Variants in NEK1 observed in about 807,000 individuals in gnomAD.
The protein encoded by NEK1 is serine/threonine-protein kinase Nek1.
Under a neutral mutation model 182.1 loss-of-function variants are expected in NEK1, and 137 were observed. The ratio of observed to expected loss-of-function variants is 0.75; its 90% confidence interval spans 0.65 to 0.87. The LOEUF is 0.87. Among genes scored for constraint, NEK1 ranks in the 40% least tolerant of loss-of-function variants. The pLI is 0.00. For missense variants in NEK1, 1,391 were observed against 1,494.4 expected (o/e 0.93, Z 1.14); for synonymous variants, 513 against 492.2 (o/e 1.04, Z -0.56).
chr4:169,406,838 C>T, intron 31 of NEK1, 91 bp from the exon 32 acceptor site: 3 of 1,058,340 alleles, frequency 2.8e-6, no homozygotes, highest in South Asian at 3.4e-5. Context: ...AATTTTGTTA[C>T]ATATGTGTAA....
intron 23 of NEK1, among the ~76,000 whole-genome samples, chr4:169,501,866 C>T (rs1426194751): frequency 6.6e-6 from 1 of 151,912 alleles, no homozygotes; most frequent in East Asian, 1.9e-4. Context: ...GAAACTAAAT[C>T]AAAAGCTAGC....
At chr4:169,545,502 A>G (rs1466399284) in intron 18 of NEK1, among the ~76,000 whole-genome samples, 15 of 149,972 alleles carry the variant, frequency 1.0e-4, no homozygotes, top group Non-Finnish European at 1.9e-4. Context: ...ATAATGCCGC[A>G]ATAAACATAT....
chr4:169,553,072 T>C (rs142319286), intron 18 of NEK1, among the ~76,000 whole-genome samples: 94 of 152,294 alleles, frequency 6.2e-4, no homozygotes, highest in African/African-American at 2.2e-3. Flanking sequence ...ACAAACTTAT[T>C]ATAAAGCTTA....
At chr4:169,561,258 C>CT (rs1472245540) in intron 16 of NEK1, among the ~76,000 whole-genome samples, 1 of 152,120 alleles carries the variant, frequency 6.6e-6, no homozygotes, top group East Asian at 1.9e-4. Context: ...TCACAAAAAA[C>CT]TTTTAAAGCA....
At chr4:169,503,078 C>T (rs758732745) in intron 23 of NEK1, among the ~76,000 whole-genome samples, 1 of 151,970 alleles carries the variant, frequency 6.6e-6, no homozygotes, top group Non-Finnish European at 1.5e-5. Flanking sequence ...TTCTATACTC[C>T]AATACCATTC....
At chr4:169,584,227 T>C (rs997297442) in intron 10 of NEK1, among the ~76,000 whole-genome samples, 4 of 151,578 alleles carry the variant, frequency 2.6e-5, no homozygotes, top group African/African-American at 7.3e-5. Context: ...GGAGAAATCA[T>C]GAGTCAGTAA....
chr4:169,610,094 G>A (rs1451496224), intron 2 of NEK1, among the ~76,000 whole-genome samples: 2 of 148,940 alleles, frequency 1.3e-5, no homozygotes, highest in East Asian at 2.0e-4. Flanking sequence ...TTCGGCCTCC[G>A]AGGTTCAAGT....
intron 23 of NEK1, among the ~76,000 whole-genome samples, chr4:169,493,965 T>C (rs1290956019): frequency 3.3e-5 from 5 of 152,084 alleles, no homozygotes; most frequent in African/African-American, 7.2e-5. Context: ...CTATATAAGA[T>C]GACCATCACC....
chr4:169,429,094 C>T (rs1185985372), intron 29 of NEK1, among the ~76,000 whole-genome samples: 1 of 151,614 alleles, frequency 6.6e-6, no homozygotes, highest in Non-Finnish European at 1.5e-5. Context: ...AACCCGTGTA[C>T]ACAGAGGGCT....
At chr4:169,537,602 CCT>C (rs1296021953) in intron 19 of NEK1, among the ~76,000 whole-genome samples, 1 of 152,074 alleles carries the variant, frequency 6.6e-6, no homozygotes, top group Non-Finnish European at 1.5e-5. Flanking sequence ...GAATTCCACC[CCT>C]GGTATAAAAG....
At chr4:169,564,925 C>T (rs913327210) in intron 12 of NEK1, among the ~76,000 whole-genome samples, 4 of 152,068 alleles carry the variant, frequency 2.6e-5, no homozygotes, top group East Asian at 3.9e-4. Flanking sequence ...AAGTGATAAG[C>T]GGTACTAAAT....
chr4:169,547,180 A>C (rs952547160), intron 18 of NEK1, among the ~76,000 whole-genome samples: 1 of 152,154 alleles, frequency 6.6e-6, no homozygotes, highest in Non-Finnish European at 1.5e-5. Flanking sequence ...TGGAGACAAG[A>C]TCTCCCAGCA....
chr4:169,486,970 C>T (rs1488273886), intron 23 of NEK1, among the ~76,000 whole-genome samples: 2 of 152,136 alleles, frequency 1.3e-5, no homozygotes, highest in Non-Finnish European at 2.9e-5. Flanking sequence ...ATATAGCATA[C>T]GTGATGGCTG....
intron 18 of NEK1, among the ~76,000 whole-genome samples, chr4:169,552,514 T>TC (rs1367404400): frequency 6.6e-6 from 1 of 152,154 alleles, no homozygotes; most frequent in African/African-American, 2.4e-5. Flanking sequence ...CTTGAAGCTT[T>TC]CCGGCCAACA....
At chr4:169,548,048 GGT>G (rs1403231124) in intron 18 of NEK1, among the ~76,000 whole-genome samples, 1 of 152,150 alleles carries the variant, frequency 6.6e-6, no homozygotes, top group African/African-American at 2.4e-5. Context: ...GAGGAGAAGA[GGT>G]GTTCTGGTTT....
intron 19 of NEK1, among the ~76,000 whole-genome samples, chr4:169,523,494 T>C (rs1298924222): frequency 6.6e-6 from 1 of 152,092 alleles, no homozygotes; most frequent in Non-Finnish European, 1.5e-5. Context: ...AGGTCAAAAA[T>C]TGCCATCCAA....
In NEK1 at chr4:169,463,374, A is replaced by G. The variant is rs746954930; in HGVS notation, c.2456T>C (p.Ile819Thr). 2 of 1,607,688 alleles carry G rather than the reference A, an allele frequency of 1.2e-6. No individual in the cohort carries two copies. The highest frequency in any genetic ancestry group is 1.7e-6 in the Non-Finnish European group (2 of 1,176,018). The change falls in exon 27 of 36, where the codon ATT becomes ACT. Residue 819 changes from isoleucine (I) to threonine (T), a missense_variant. By Grantham distance (89) the Ile-to-Thr change is moderately conservative (BLOSUM62 -1). Coordinates refer to ENST00000507142, the MANE Select transcript of NEK1 (RefSeq NM_001199397.3). ...TTERHTVGEV[I>T]KLGPNGSPRR... ...TGGAGATCCATTAGGACCTAATTTA[A>G]TAACTTCTCCCACTGTATGTCCTAT... is the stretch of plus-strand genomic sequence containing the variant.
intron 23 of NEK1, among the ~76,000 whole-genome samples, chr4:169,496,194 GCTCT>G (rs1238753046): frequency 6.6e-6 from 1 of 151,970 alleles, no homozygotes; most frequent in Non-Finnish European, 1.5e-5. Flanking sequence ...TCATGATTTG[GCTCT>G]CTGTTTGTCT....
In NEK1 at chr4:169,507,203, G is replaced by C. The variant is rs1227604080; in HGVS notation, c.1912-71C>G. 7 of 616,528 alleles carry C rather than the reference G, an allele frequency of 1.1e-5. No individual in the cohort carries two copies. In the African/African-American group the frequency reaches 1.3e-4, roughly 11 times the overall value. 38.2% of individuals were successfully genotyped at this position (616,528 alleles called of 1,614,324 possible). On this transcript the variant is annotated intron_variant, in intron 22 of 35. Coordinates refer to ENST00000507142, the MANE Select transcript of NEK1 (RefSeq NM_001199397.3). ...CAGAGGTTTTTTTTTTTTTTTTTGG[G>C]CCAGGTCTATGAAGATATTTACTTA... is the stretch of plus-strand genomic sequence containing the variant.
Sources: gnomAD v4.1 joint callset for allele counts (sites outside exome capture counted in the v4.1 genomes callset) on GRCh38, gnomAD v4.1.1 for gene constraint, MANE v1.5 for transcripts, NCBI Gene and HGNC (gene_info 2026-07-23, HGNC 2026-07-21) for gene names.